Variants in C1QTNF4 observed in about 807,000 individuals in gnomAD.
C1QTNF4 encodes the protein complement C1q tumor necrosis factor-related protein 4.
C1QTNF4 carries 12 observed loss-of-function variants against 14.6 expected under a neutral mutation model. The ratio of observed to expected loss-of-function variants is 0.82; its 90% CI spans 0.53 to 1.33. The LOEUF (loss-of-function observed/expected upper bound fraction) is 1.33, where lower values mean the gene tolerates loss of function less well. C1QTNF4 is among the 40% of genes most tolerant of loss of function. The probability of loss-of-function intolerance (pLI) is 0.00; values close to 1 mark genes in which losing one functional copy is unlikely to be tolerated. For synonymous variants in C1QTNF4, 278 were observed against 246.6 expected (o/e 1.13, Z -1.19); for missense variants, 558 against 500.3 (o/e 1.12, Z -1.10).
At chr11:47,595,174 T>C (rs1471610827), upstream of C1QTNF4, among the ~76,000 whole-genome samples, 1 of 152,218 alleles carries the variant, frequency 6.6e-6, no homozygotes, top group Non-Finnish European at 1.5e-5. Context: ...CCAGAGGCAC[T>C]AGTGCTGGCC....
At position 47,590,592 on chromosome 11, in the gene C1QTNF4, G is replaced by T. The variant is rs1262484110; in HGVS notation, c.219C>A (p.Pro73=). 6.2e-7 allele frequency: 1 copy of T among 1,606,234 alleles called. No individual in the cohort carries two copies. The highest frequency in any genetic ancestry group is 8.5e-7 in the Non-Finnish European group (1 of 1,177,120). Reference sequence around the variant, plus strand: ...CCGTGAAGGAGAAGAAGTAGGCGCCGGGCACGCGGCAGCGAAACTGGCCGG... The same window carrying T: ...CCGTGAAGGAGAAGAAGTAGGCGCCTGGCACGCGGCAGCGAAACTGGCCGG... ...VATGQFRCRV[P]GAYFFSFTAG... is the part of the protein sequence containing the mutation. Residue 73 remains proline, a synonymous_variant, in exon 2 of 2, where the codon CCC becomes CCA. Coordinates refer to ENST00000302514, the MANE Select transcript of C1QTNF4 (RefSeq NM_031909.3).
At chr11:47,591,649 A>G (rs2153796127) in intron 1 of C1QTNF4, among the ~76,000 whole-genome samples, 1 of 152,050 alleles carries the variant, frequency 6.6e-6, no homozygotes, top group East Asian at 1.9e-4. Context: ...CGGCCTCCCA[A>G]AGTGCTGGGA....
rs777941146 is a variant in C1QTNF4 at position 47,589,905 on chromosome 11, C to T, written c.906G>A (p.Lys302=). The T allele has an allele frequency of 5.7e-6, 9 of 1,586,438 alleles. No individual in the cohort carries two copies. The South Asian group carries it at 7.9e-5, about 14-fold the overall frequency. ...CCAGGAAGCCGGAGAAGGTGATGTA[C>T]TTGCCGTGGTTGCTGTAGGCGCCGT... The part of the protein sequence containing the change: ...DGYGAYSNHG[K]YITFSGFLVY... The change falls in exon 2 of 2, where the codon AAG becomes AAA. Residue 302 remains lysine (K), a synonymous_variant. Coordinates refer to ENST00000302514, the MANE Select transcript of C1QTNF4 (RefSeq NM_031909.3).
intron 1 of C1QTNF4, 74 bp from the exon 2 acceptor site, chr11:47,590,889 A>G (rs949770115): frequency 2.4e-5 from 35 of 1,429,974 alleles, no homozygotes; most frequent in Non-Finnish European, 3.2e-5. Context: ...CTCCACCGGG[A>G]GACAAGGGTT....
intron 1 of C1QTNF4, 104 bp from the exon 2 acceptor site, chr11:47,590,919 T>C: frequency 7.0e-7 from 1 of 1,419,090 alleles, no homozygotes; most frequent in Non-Finnish European, 9.2e-7. Context: ...GCCCTGCCCT[T>C]GACCCACAAG....
chr11:47,594,548 C>T (rs2097277246), upstream of C1QTNF4: 1 of 152,564 alleles, frequency 6.6e-6, no homozygotes, highest in African/African-American at 2.4e-5. Flanking sequence ...GAGCTTCGTC[C>T]TCTGGGTCTA....
Position 47,589,753 on chromosome 11 carries a change from T to A in C1QTNF4, c.*68A>T. ...GGAGGCCGTGGCGCTCGCGCGGGAC[T>A]TTCGAGCCTCCGGCCCGGCCTGGCA... On this transcript the variant is annotated 3_prime_UTR_variant, in exon 2 of 2. Coordinates refer to ENST00000302514, the MANE Select transcript of C1QTNF4 (RefSeq NM_031909.3). 1 of 1,398,608 alleles carries A rather than the reference T, an allele frequency of 7.1e-7. No homozygotes were observed. The allele number at this position is 1,398,608 out of a possible 1,614,324, so 86.6% of individuals were successfully genotyped here. A position where few individuals can be genotyped will look rare whatever the true frequency, so the allele number is the denominator to read the frequency against.
rs1202969157 is a variant in C1QTNF4, at chr11:47,590,025, G to A, written c.786C>T (p.Gly262=). 1.2e-6 allele frequency: 2 copies of A among 1,611,808 alleles called. No individual in the cohort carries two copies. Among genetic ancestry groups the A allele is most frequent in the South Asian group, 1.1e-5 (1 of 91,026 alleles). The change falls in exon 2 of 2, where the codon GGC becomes GGT. Residue 262 remains glycine, a synonymous_variant. Transcript: ENST00000302514. The part of the protein sequence containing the change: ...DEVQAMIYDD[G]ASRRREMQSQ... ...TCTGCATCTCGCGGCGCCGCGACGC[G>A]CCGTCGTCGTAAATCATGGCCTGCA... is the stretch of plus-strand genomic sequence containing the variant.
At position 47,590,001 on chromosome 11, in the gene C1QTNF4, C is replaced by T. The variant is rs548756083; in HGVS notation, c.810G>A (p.Gln270=). The change falls in exon 2 of 2, where the codon CAG becomes CAA. Residue 270 remains glutamine, a synonymous_variant. Coordinates refer to ENST00000302514, the MANE Select transcript of C1QTNF4 (RefSeq NM_031909.3). ...DDGASRRREM[Q]SQSVMLALRR... ...GCAGGGCCAGCATCACGCTCTGGCT[C>T]TGCATCTCGCGGCGCCGCGACGCGC... 1.2e-6 allele frequency: 2 copies of T among 1,611,564 alleles called. No individual in the cohort carries two copies. Among genetic ancestry groups the T allele is most frequent in the South Asian group, 1.1e-5 (1 of 90,980 alleles).
chr11:47,592,953 A>G (rs557674894), intron 1 of C1QTNF4, among the ~76,000 whole-genome samples: 2 of 152,310 alleles, frequency 1.3e-5, no homozygotes, highest in African/African-American at 2.4e-5. Context: ...AAGGTGTCCT[A>G]TGGATTAGTT....
At position 47,590,698 on chromosome 11, in the gene C1QTNF4, G is replaced by T. The variant is rs202235667; in HGVS notation, c.113C>A (p.Thr38Asn). ...CATCTCCGACGTGCCCTCCAGGGGGGTGGTGCGTGCCGCCGAGAAGGCCGA... is the reference window on the plus strand; with the variant it reads ...CATCTCCGACGTGCCCTCCAGGGGGTTGGTGCGTGCCGCCGAGAAGGCCGA... Reference protein sequence around the residue: ...LRSAFSAARTTPLEGTSEMAV... With the variant: ...LRSAFSAARTNPLEGTSEMAV... Residue 38 changes from threonine (T) to asparagine (N), a missense_variant, in exon 2 of 2, where the codon ACC (threonine) becomes AAC (asparagine). Coordinates refer to ENST00000302514, the MANE Select transcript of C1QTNF4 (RefSeq NM_031909.3). 55 of 1,610,650 alleles carry T rather than the reference G, an allele frequency of 3.4e-5. No individual in the cohort carries two copies. Among genetic ancestry groups the T allele is most frequent in the Non-Finnish European group, 4.2e-5 (49 of 1,179,144 alleles).
Position 47,590,654 on chromosome 11 carries a change from C to G in C1QTNF4, c.157G>C (p.Val53Leu). ...AAGTCGCCCCCGATGTTCACGTACA[C>G]CTTGTCGAAGGTCACCGCCATCTCC... is the stretch of plus-strand genomic sequence containing the variant. ...TSEMAVTFDK[V>L]YVNIGGDFDV... Residue 53 changes from valine (V) to leucine (L), a missense_variant, in exon 2 of 2, where the codon GTG (valine) becomes CTG (leucine). Physicochemically the swap from Val to Leu is conservative, Grantham distance 32. Coordinates refer to ENST00000302514, the MANE Select transcript of C1QTNF4 (RefSeq NM_031909.3). 6.2e-7 allele frequency: 1 copy of G among 1,611,654 alleles called. No individual in the cohort carries two copies.
chr11:47,590,859 C>T (rs1041253922), intron 1 of C1QTNF4, 44 bp from the exon 2 acceptor site: 4 of 1,435,410 alleles, frequency 2.8e-6, no homozygotes, highest in Non-Finnish European at 3.6e-6. Context: ...TTGGCAGGGG[C>T]GGCTTCCAAA....
Position 47,590,092 on chromosome 11 carries a change from C to A in C1QTNF4, c.719G>T (p.Arg240Leu). The A allele has an allele frequency of 6.2e-7, 1 of 1,611,788 alleles. No individual in the cohort carries two copies. Among genetic ancestry groups the A allele is most frequent in the Non-Finnish European group, 8.5e-7 (1 of 1,178,970 alleles). Residue 240 changes from arginine to leucine, a missense_variant, in exon 2 of 2, where the codon CGT (arginine) becomes CTT (leucine). Arg to Leu is a moderately radical substitution (Grantham distance 102). Coordinates refer to ENST00000302514, the MANE Select transcript of C1QTNF4 (RefSeq NM_031909.3). ...FFSFTLGKLP[R>L]KTLSVKLMKN... Reference sequence around the variant, plus strand: ...CATCAGCTTAACCGACAGCGTCTTACGCGGCAGCTTGCCCAGCGTGAAGGA... The same window carrying A: ...CATCAGCTTAACCGACAGCGTCTTAAGCGGCAGCTTGCCCAGCGTGAAGGA...
chr11:47,590,814 G>T lies in C1QTNF4; in HGVS notation c.-4C>A. On this transcript the variant is annotated splice_region_variant and 5_prime_UTR_variant, in exon 2 of 2. Coordinates refer to ENST00000302514, the MANE Select transcript of C1QTNF4 (RefSeq NM_031909.3). ...GGCCCAGCAGAAGCGGCAGCATGGC[G>T]CCTGGGAGGGAGACGGAGGGGCGAG... 1 of 1,484,156 alleles carries T rather than the reference G, an allele frequency of 6.7e-7. No individual in the cohort carries two copies. Among genetic ancestry groups the T allele is most frequent in the Non-Finnish European group, 8.9e-7 (1 of 1,124,088 alleles). 91.9% of individuals were successfully genotyped at this position (1,484,156 alleles called of 1,614,324 possible).
At position 47,590,127 on chromosome 11, in the gene C1QTNF4, G is replaced by GGCGCCGGGCAGACGGCAGCGGAAC; in HGVS notation, c.660_683dup (p.Phe221_Ala228dup). ...TGCCCAGCGTGAAGGAGAAGAAGTAGGCGCCGGGCAGACGGCAGCGGAACA... is the reference window on the plus strand; with the variant it reads ...TGCCCAGCGTGAAGGAGAAGAAGTAGGCGCCGGGCAGACGGCAGCGGAACGCGCCGGGCAGACGGCAGCGGAACA... On this transcript the variant is annotated inframe_insertion, in exon 2 of 2. Transcript: ENST00000302514. The GGCGCCGGGCAGACGGCAGCGGAAC allele has an allele frequency of 6.2e-7, 1 of 1,610,968 alleles. No individual in the cohort carries two copies.
At position 47,589,932 on chromosome 11, in the gene C1QTNF4, G is replaced by T; in HGVS notation, c.879C>A (p.Gly293=). 6.2e-7 allele frequency: 1 copy of T among 1,607,162 alleles called. No individual in the cohort carries two copies. Among genetic ancestry groups the T allele is most frequent in the Non-Finnish European group, 8.5e-7 (1 of 1,176,810 alleles). Residue 293 remains glycine (G), a synonymous_variant, in exon 2 of 2, where the codon GGC becomes GGA. Transcript: ENST00000302514. ...TGCCGTGGTTGCTGTAGGCGCCGTA[G>T]CCGTCGTGGTCGTGGCTGAGCAGCC... ...AVWLLSHDHD[G]YGAYSNHGKY...
At position 47,590,120 on chromosome 11, in the gene C1QTNF4, A is replaced by C. The variant is rs142254845; in HGVS notation, c.691T>G (p.Phe231Val). The C allele has an allele frequency of 2.8e-4, 446 of 1,611,206 alleles. 1 individual carries two copies. The highest frequency in any genetic ancestry group is 3.6e-4 in the Non-Finnish European group (428 of 1,179,062). Residue 231 changes from phenylalanine to valine, a missense_variant, in exon 2 of 2, where the codon TTC becomes GTC. By Grantham distance (50) the Phe-to-Val change is conservative. Transcript: ENST00000302514. ...FRCRLPGAYF[F>V]SFTLGKLPRK... Reference sequence around the variant, plus strand: ...GGCAGCTTGCCCAGCGTGAAGGAGAAGAAGTAGGCGCCGGGCAGACGGCAG... The same window carrying C: ...GGCAGCTTGCCCAGCGTGAAGGAGACGAAGTAGGCGCCGGGCAGACGGCAG...
chr11:47,589,965 G>A lies in C1QTNF4; in HGVS notation c.846C>T (p.Asp282=). The A allele has an allele frequency of 6.2e-7, 1 of 1,610,686 alleles. No homozygotes were observed. Among genetic ancestry groups the A allele is most frequent in the Non-Finnish European group, 8.5e-7 (1 of 1,178,226 alleles). Residue 282 remains aspartate, a synonymous_variant, in exon 2 of 2, where the codon GAC becomes GAT. Transcript: ENST00000302514. ...QSVMLALRRG[D]AVWLLSHDHD... is the part of the protein sequence containing the mutation. ...GGTCGTGGCTGAGCAGCCAGACGGC[G>A]TCGCCGCGCCGCAGGGCCAGCATCA...
Sources: allele counts gnomAD v4.1 joint callset (sites outside exome capture counted in the v4.1 genomes callset), GRCh38; gene constraint gnomAD v4.1.1; transcripts MANE v1.5; gene names NCBI Gene and HGNC (gene_info 2026-07-23, HGNC 2026-07-21).